DPP4: variants seen among roughly 807,000 people sequenced by gnomAD.
DPP4 encodes ADCP-2.
In DPP4, 93 loss-of-function variants were observed where a neutral mutation model predicts 122.4. The ratio of observed to expected loss-of-function variants is 0.76; its 90% CI spans 0.64 to 0.90. The LOEUF is 0.90. Among genes scored for constraint, DPP4 ranks in the 40% least tolerant of loss-of-function variants. The pLI, the probability that DPP4 is intolerant of heterozygous loss-of-function variation, is 0.00. For synonymous variants in DPP4, 321 were observed against 302.9 expected, an observed-to-expected ratio of 1.06 and a Z score of -0.62; for missense variants, 914 against 907.3, an observed-to-expected ratio of 1.01 and a Z score of -0.09.
In DPP4 at chr2:162,073,583, G is replaced by A. The variant is rs982831830; in HGVS notation, c.7-97C>T. The A allele has an allele frequency of 1.1e-5, 14 of 1,250,568 alleles. No individual in the cohort carries two copies. In the East Asian group the frequency reaches 2.1e-4, roughly 19 times the overall value. The allele number at this position is 1,250,568 out of a possible 1,614,324, so 77.5% of individuals were successfully genotyped here. A position where few individuals can be genotyped will look rare whatever the true frequency, so the allele number is the denominator to read the frequency against. ...TGCTCCAGAGGCAGCAGGATTTGCA[G>A]GTGGGAGTGCGTTAGAAGAGGGAGA... On this transcript the variant is annotated intron_variant, in intron 1 of 25. Transcript: ENST00000360534.
chr2:161,999,470 G>A (rs1701090065), intron 23 of DPP4, among the ~76,000 whole-genome samples: 1 of 152,180 alleles, frequency 6.6e-6, no homozygotes, highest in Non-Finnish European at 1.5e-5. Flanking sequence ...GGATGCAATG[G>A]TGGTGCAGTT....
At chr2:162,056,988 G>C (rs6733162) in intron 2 of DPP4, among the ~76,000 whole-genome samples, 91,113 of 151,954 alleles carry the variant, frequency 0.6, 27,908 homozygotes, top group African/African-American at 0.67. Context: ...TCCTGTGACC[G>C]TCACCCATAA....
Position 162,018,801 on chromosome 2 carries a change from T to G in DPP4, c.1348A>C (p.Asn450His). Residue 450 changes from asparagine to histidine, a missense_variant, in exon 16 of 26, where the codon AAT becomes CAT. Asn to His is a moderately conservative substitution (Grantham distance 68). Transcript: ENST00000360534. Reference sequence around the variant, plus strand: ...GAATAGTACTGACACCTTTCCGGATTCAGCTCACAACTGAGGCATGTCACT... The same window carrying G: ...GAATAGTACTGACACCTTTCCGGATGCAGCTCACAACTGAGGCATGTCACT... The part of the protein sequence containing the change: ...TKVTCLSCEL[N>H]PERCQYYSVS... 1 of 1,614,192 alleles carries G rather than the reference T, an allele frequency of 6.2e-7. No homozygotes were observed. Among genetic ancestry groups the G allele is most frequent in the Non-Finnish European group, 8.5e-7 (1 of 1,180,030 alleles).
At chr2:162,023,367 T>C (rs973421574) in intron 11 of DPP4, among the ~76,000 whole-genome samples, 1 of 152,206 alleles carries the variant, frequency 6.6e-6, no homozygotes, top group East Asian at 1.9e-4. Flanking sequence ...GATAGTCTTT[T>C]CTTTAAAACC....
intron 2 of DPP4, among the ~76,000 whole-genome samples, chr2:162,056,947 G>C (rs567635374): frequency 6.6e-6 from 1 of 152,222 alleles, no homozygotes; most frequent in East Asian, 1.9e-4. Context: ...ACCTGGACCT[G>C]TGACTCATAC....
At chr2:162,018,206 C>A (rs1424007552) in intron 16 of DPP4, among the ~76,000 whole-genome samples, 1 of 152,138 alleles carries the variant, frequency 6.6e-6, no homozygotes, top group African/African-American at 2.4e-5. Context: ...TGAGAAGTAA[C>A]CTGGCACACT....
chr2:162,024,634 A>G (rs1260314041), intron 11 of DPP4, among the ~76,000 whole-genome samples, 170 bp downstream of exon 11: 1 of 152,186 alleles, frequency 6.6e-6, no homozygotes, highest in Non-Finnish European at 1.5e-5. Flanking sequence ...TCGGGATGGC[A>G]GGTTATCTAG....
Position 162,044,964 on chromosome 2 carries a change from C to CTTTT in DPP4, c.366+564_366+567dup, listed in dbSNP as rs370441659. 2.7e-3 allele frequency among the ~76,000 whole-genome samples: 387 copies of CTTTT among 142,074 alleles called. 6 individuals carry two copies. The East Asian group carries it at 0.042, about 15-fold the overall frequency. The allele number at this position is 142,074 out of a possible 152,430, so 93.2% of individuals were successfully genotyped here. A position where few individuals can be genotyped will look rare whatever the true frequency, so the allele number is the denominator to read the frequency against. On this transcript the variant is annotated intron_variant, in intron 5 of 25. Transcript: ENST00000360534. ...TCCTTTTCTTTTTCTTTCTTTCTTT[C>CTTTT]TTTTTTTTTTTTTTGACGGGGTCTC...
intron 18 of DPP4, among the ~76,000 whole-genome samples, chr2:162,015,498 A>G (rs1452740320): frequency 1.3e-5 from 2 of 151,980 alleles, no homozygotes; most frequent in African/African-American, 4.8e-5. Context: ...CCATCATTTG[A>G]TCTCTGCTTT....
chr2:162,037,570 A>G (rs181015249), intron 8 of DPP4, among the ~76,000 whole-genome samples: 4 of 152,334 alleles, frequency 2.6e-5, no homozygotes, highest in South Asian at 2.1e-4. Context: ...TGAAATACAG[A>G]TAAGTCTTTC....
intron 5 of DPP4, among the ~76,000 whole-genome samples, chr2:162,041,444 G>A (rs1406140410): frequency 6.6e-6 from 1 of 152,032 alleles, no homozygotes; most frequent in African/African-American, 2.4e-5. Flanking sequence ...GTATCCCAAG[G>A]ACACCTAGCT....
At chr2:162,070,493 C>T (rs758223463) in intron 2 of DPP4, among the ~76,000 whole-genome samples, 13 of 152,114 alleles carry the variant, frequency 8.5e-5, no homozygotes, top group Non-Finnish European at 1.5e-4. Flanking sequence ...TTAGTTTCCA[C>T]GTAATTTAGG....
intron 2 of DPP4, 138 bp downstream of exon 2, chr2:162,073,261 C>T (rs1354389199): frequency 3.8e-6 from 3 of 781,330 alleles, no homozygotes; most frequent in Non-Finnish European, 6.4e-6. Flanking sequence ...GCAGCAACAA[C>T]AACTGGGAAG....
chr2:162,061,889 G>A (rs1684786960), intron 2 of DPP4, among the ~76,000 whole-genome samples: 2 of 152,148 alleles, frequency 1.3e-5, no homozygotes, highest in Non-Finnish European at 2.9e-5. Context: ...CATATGCTAG[G>A]TGGTAACAAG....
intron 14 of DPP4, 68 bp downstream of exon 14, chr2:162,020,161 A>G: frequency 7.4e-7 from 1 of 1,358,176 alleles, no homozygotes; most frequent in South Asian, 1.3e-5. Flanking sequence ...TTTTTTCCCT[A>G]CTTCTGGGCA....
At chr2:162,018,933 C>T in intron 15 of DPP4, 83 bp from the exon 16 acceptor site, 1 of 1,527,300 alleles carries the variant, frequency 6.5e-7, no homozygotes. Flanking sequence ...ATTCTAGTTT[C>T]AAAGACAGCA....
At chr2:162,023,675 C>T (rs1419641393) in intron 11 of DPP4, among the ~76,000 whole-genome samples, 3 of 152,194 alleles carry the variant, frequency 2.0e-5, no homozygotes, top group Admixed American at 6.5e-5. Context: ...CTTTTGCACT[C>T]TATTCCCTCT....
chr2:162,017,937 A>G (rs1321235133), intron 16 of DPP4, among the ~76,000 whole-genome samples: 1 of 152,208 alleles, frequency 6.6e-6, no homozygotes, highest in Non-Finnish European at 1.5e-5. Flanking sequence ...GAGGATAATA[A>G]TATCTACTTG....
In DPP4 at chr2:162,016,619, A is replaced by C. The variant is rs932418223; in HGVS notation, c.1567+149T>G. ...TAAGACAAAAGGATGTAAAATTAGT[A>C]TTTCTTGTGACAAAACATTTCATGG... On this transcript the variant is annotated intron_variant, in intron 18 of 25. Coordinates refer to ENST00000360534, the MANE Select transcript of DPP4 (RefSeq NM_001935.4). 5.7e-6 allele frequency: 3 copies of C among 525,462 alleles called. No homozygotes were observed. In the African/African-American group the frequency reaches 5.7e-5, roughly 10 times the overall value. The allele number at this position is 525,462 out of a possible 1,614,324, so 32.5% of individuals were successfully genotyped here. A position where few individuals can be genotyped will look rare whatever the true frequency, so the allele number is the denominator to read the frequency against.
Sources: gnomAD v4.1 joint callset for allele counts (sites outside exome capture counted in the v4.1 genomes callset) on GRCh38, gnomAD v4.1.1 for gene constraint, MANE v1.5 for transcripts, NCBI Gene and HGNC (gene_info 2026-07-23, HGNC 2026-07-21) for gene names.